The following KLRG2 variants were observed in gnomAD, a reference collection of about 807,000 sequenced individuals.
The protein encoded by KLRG2 is killer cell lectin-like receptor subfamily G member 2.
A neutral mutation model predicts 35.4 loss-of-function variants in KLRG2; 39 were observed. The ratio of observed to expected loss-of-function variants is 1.10; its 90% confidence interval spans 0.85 to 1.44. The LOEUF (loss-of-function observed/expected upper bound fraction) is 1.44. KLRG2 is among the 40% of genes most tolerant of loss of function. The pLI, the probability that KLRG2 is intolerant of heterozygous loss-of-function variation, is 0.00. For synonymous variants in KLRG2, 283 were observed against 265.8 expected (o/e 1.06, Z -0.63); for missense variants, 632 against 570.9 (o/e 1.11, Z -1.09).
downstream of KLRG2, among the ~76,000 whole-genome samples, chr7:139,450,279 A>C (rs1160887960): frequency 1.3e-5 from 2 of 150,954 alleles, no homozygotes; most frequent in African/African-American, 4.9e-5. Context: ...GCTGGAGTGC[A>C]GTGGCGCGAT....
chr7:139,439,498 G>A, the KLRG2 span, among the ~76,000 whole-genome samples: 4 of 152,204 alleles, frequency 2.6e-5, no homozygotes, highest in Non-Finnish European at 5.9e-5. Context: ...CAAGTGGCAA[G>A]GGCCTTGTGT....
chr7:139,465,313 G>A (rs948844021), intron 3 of KLRG2, among the ~76,000 whole-genome samples: 7 of 152,192 alleles, frequency 4.6e-5, no homozygotes, highest in African/African-American at 1.4e-4. Flanking sequence ...TATATGGGCA[G>A]AAAGAAATTT....
downstream of KLRG2, among the ~76,000 whole-genome samples, chr7:139,450,219 TTTTTTTTGTTTTGTTTTG>T (rs1796355124): frequency 2.0e-5 from 3 of 150,986 alleles, no homozygotes; most frequent in South Asian, 6.3e-4. Context: ...ATGTTTGTTT[TTTTTTTTGTTTTGTTTTG>T]TTTTGAGACG....
At chr7:139,476,977 A>G (rs1209350150) in intron 3 of KLRG2, among the ~76,000 whole-genome samples, 1 of 152,154 alleles carries the variant, frequency 6.6e-6, no homozygotes, top group Non-Finnish European at 1.5e-5. Context: ...CTCATTATTG[A>G]ATCCCCCTTG....
At chr7:139,449,432 CA>C (rs1239699256), downstream of KLRG2, among the ~76,000 whole-genome samples, 2 of 151,890 alleles carry the variant, frequency 1.3e-5, no homozygotes, top group Admixed American at 1.3e-4. Flanking sequence ...TTGTATGGGG[CA>C]CTTATAGGAC....
the KLRG2 span, among the ~76,000 whole-genome samples, chr7:139,436,184 T>C: frequency 6.6e-6 from 1 of 152,172 alleles, no homozygotes; most frequent in Non-Finnish European, 1.5e-5. Context: ...ATTACAAGCA[T>C]GAGCCATTGT....
chr7:139,457,816 T>C (rs878995563), intron 3 of KLRG2, among the ~76,000 whole-genome samples: 1 of 152,072 alleles, frequency 6.6e-6, no homozygotes, highest in Admixed American at 6.6e-5. Context: ...CCTGATCTCA[T>C]TGTTAGCAAA....
chr7:139,444,318 T>C, the KLRG2 span, among the ~76,000 whole-genome samples: 1 of 152,140 alleles, frequency 6.6e-6, no homozygotes, highest in East Asian at 1.9e-4. Context: ...ATAGCTGGGA[T>C]TACAGGTGCC....
At chr7:139,480,491 G>A (rs372227563) in intron 1 of KLRG2, among the ~76,000 whole-genome samples, 3 of 143,096 alleles carry the variant, frequency 2.1e-5, no homozygotes, top group African/African-American at 8.1e-5. Context: ...TGTCGCCCAG[G>A]TTGGAGTGCA....
At position 139,453,303 on chromosome 7, in the gene KLRG2, C is replaced by A. The variant is rs1367454943; in HGVS notation, c.*284G>T. The A allele has an allele frequency of 8.2e-6, 4 of 489,332 alleles. No individual in the cohort carries two copies. The East Asian group carries it at 1.4e-4, about 17-fold the overall frequency. The allele number at this position is 489,332 out of a possible 1,614,324, so 30.3% of individuals were successfully genotyped here. A position where few individuals can be genotyped will look rare whatever the true frequency, so the allele number is the denominator to read the frequency against. ...TTGTCATTTTAATGAAACCAAGGCA[C>A]AGAAATGCTAAACAACCATCCCAAT... On this transcript the variant is annotated 3_prime_UTR_variant, in exon 5 of 5. Coordinates refer to ENST00000340940, the MANE Select transcript of KLRG2 (RefSeq NM_198508.4).
Position 139,464,295 on chromosome 7 carries a change from G to A in KLRG2, c.1006-10081C>T, listed in dbSNP as rs143097811. On this transcript the variant is annotated intron_variant, in intron 3 of 4. Coordinates refer to ENST00000340940, the MANE Select transcript of KLRG2 (RefSeq NM_198508.4). ...ACGCCAATATCCCATCACACAGCAC[G>A]CTTTAGAAGCCTGTTATTACTCGCC... 2.5e-3 allele frequency among the ~76,000 whole-genome samples: 387 copies of A among 152,162 alleles called. 2 individuals are homozygous for A. Among genetic ancestry groups the A allele is most frequent in the Admixed American group, 5.3e-3 (81 of 15,266 alleles).
chr7:139,479,811 C>A (rs1208879493), intron 2 of KLRG2, 39 bp from the exon 3 acceptor site: 3 of 1,597,450 alleles, frequency 1.9e-6, no homozygotes, highest in Non-Finnish European at 2.6e-6. Flanking sequence ...GCAGGGTAAG[C>A]TGCATTAAAT....
chr7:139,462,961 C>T (rs1321512512), intron 3 of KLRG2, among the ~76,000 whole-genome samples: 1 of 152,178 alleles, frequency 6.6e-6, no homozygotes, highest in Non-Finnish European at 1.5e-5. Context: ...CCAATTCTTC[C>T]TCAGCCTCCG....
intron 3 of KLRG2, among the ~76,000 whole-genome samples, chr7:139,478,246 G>A (rs1796888710): frequency 6.6e-6 from 1 of 151,646 alleles, no homozygotes; most frequent in Admixed American, 6.6e-5. Context: ...CATGACTGTA[G>A]TCCTTGCTAT....
chr7:139,472,283 AAAAC>A (rs61416846), intron 3 of KLRG2, among the ~76,000 whole-genome samples: 1,791 of 152,282 alleles, frequency 0.012, 40 homozygotes, highest in African/African-American at 0.04. Flanking sequence ...AGCCAGGAAT[AAAAC>A]AAACAAACAA....
At chr7:139,466,174 G>T (rs947222629) in intron 3 of KLRG2, among the ~76,000 whole-genome samples, 1 of 152,094 alleles carries the variant, frequency 6.6e-6, no homozygotes, top group African/African-American at 2.4e-5. Context: ...TCGGGGATTT[G>T]CCCCCTGCCC....
At chr7:139,436,497 C>G in the KLRG2 span, among the ~76,000 whole-genome samples, 1 of 152,166 alleles carries the variant, frequency 6.6e-6, no homozygotes, top group Non-Finnish European at 1.5e-5. Context: ...CTTGGACTGG[C>G]TGTTCTCTTG....
chr7:139,432,560 ATTT>A, the KLRG2 span, among the ~76,000 whole-genome samples: 1 of 102,266 alleles, frequency 9.8e-6, no homozygotes, highest in South Asian at 3.8e-4. Flanking sequence ...CCCCCCCAAT[ATTT>A]TTTTTTGAGA....
chr7:139,436,436 G>A, the KLRG2 span, among the ~76,000 whole-genome samples: 28 of 152,104 alleles, frequency 1.8e-4, no homozygotes, highest in Non-Finnish European at 2.5e-4. Flanking sequence ...AGAGGCGGGT[G>A]CCTGAGCCTG....
Sources: gnomAD v4.1 joint callset for allele counts (sites outside exome capture counted in the v4.1 genomes callset) on GRCh38, gnomAD v4.1.1 for gene constraint, MANE v1.5 for transcripts, NCBI Gene and HGNC (gene_info 2026-07-23, HGNC 2026-07-21) for gene names.